The following PHACTR3 variants were observed in gnomAD, a reference collection of about 807,000 sequenced individuals.
The protein encoded by PHACTR3 is phosphatase and actin regulator 3.
A neutral mutation model predicts 66.8 loss-of-function variants in PHACTR3; 16 were observed. The ratio of observed to expected loss-of-function variants is 0.24; its 90% CI spans 0.16 to 0.36. The LOEUF is 0.36. Among genes scored for constraint, PHACTR3 ranks in the 10% least tolerant of loss-of-function variants. PHACTR3 has a pLI of 1.00. For synonymous variants in PHACTR3, 323 were observed against 292.1 expected (o/e 1.11, Z -1.08); for missense variants, 647 against 719.9 (o/e 0.90, Z 1.16).
At chr20:59,611,103 C>A (rs1450417986) in intron 1 of PHACTR3, among the ~76,000 whole-genome samples, 1 of 152,232 alleles carries the variant, frequency 6.6e-6, no homozygotes, top group African/African-American at 2.4e-5. Flanking sequence ...CAAGTCCTGG[C>A]TCAGCCATGG....
chr20:59,694,218 A>G (rs1365275386), intron 1 of PHACTR3, among the ~76,000 whole-genome samples: 1 of 152,146 alleles, frequency 6.6e-6, no homozygotes, highest in Non-Finnish European at 1.5e-5. Context: ...AATTCCTGAA[A>G]TGAGTGTCCT....
At chr20:59,656,235 A>C (rs1194518641) in intron 1 of PHACTR3, among the ~76,000 whole-genome samples, 2 of 151,962 alleles carry the variant, frequency 1.3e-5, no homozygotes, top group African/African-American at 4.8e-5. Flanking sequence ...TTCATGAGTG[A>C]AAGTGGGATA....
In PHACTR3 at chr20:59,604,995, C is replaced by A; in HGVS notation, c.-20C>A. 2 of 1,299,946 alleles carry A rather than the reference C, an allele frequency of 1.5e-6. No individual in the cohort carries two copies. The highest frequency in any genetic ancestry group is 2.4e-5 in the South Asian group (1 of 42,050). The allele number at this position is 1,299,946 out of a possible 1,614,324, so 80.5% of individuals were successfully genotyped here. A position where few individuals can be genotyped will look rare whatever the true frequency, so the allele number is the denominator to read the frequency against. On this transcript the variant is annotated 5_prime_UTR_variant, in exon 1 of 13. Coordinates refer to ENST00000371015, the MANE Select transcript of PHACTR3 (RefSeq NM_080672.5). ...ATTCCACGCGGCTCGCTCTAACTTGCCCCCGCGCCGGCCGGGCCCATGGCC... is the reference window on the plus strand; with the variant it reads ...ATTCCACGCGGCTCGCTCTAACTTGACCCCGCGCCGGCCGGGCCCATGGCC...
chr20:59,589,491 AT>A (rs2033129994), intron 1 of PHACTR3, among the ~76,000 whole-genome samples: 1 of 152,192 alleles, frequency 6.6e-6, no homozygotes, highest in Non-Finnish European at 1.5e-5. Context: ...AGCACTACCT[AT>A]AAGCCTAGTG....
chr20:59,755,161 G>A, intron 3 of PHACTR3, 21 bp from the exon 4 acceptor site: 1 of 1,606,104 alleles, frequency 6.2e-7, no homozygotes, highest in Non-Finnish European at 8.5e-7. Context: ...AGGCCCAGCT[G>A]ACAGCTACAT....
intron 1 of PHACTR3, among the ~76,000 whole-genome samples, chr20:59,595,026 C>T (rs1313752648): frequency 6.6e-6 from 1 of 152,172 alleles, no homozygotes; most frequent in Non-Finnish European, 1.5e-5. Flanking sequence ...AAATTTCACT[C>T]GAGATTTCTT....
chr20:59,723,576 A>T (rs933264420), intron 1 of PHACTR3, among the ~76,000 whole-genome samples: 5 of 152,036 alleles, frequency 3.3e-5, no homozygotes, highest in Non-Finnish European at 5.9e-5. Context: ...TCACGTGCAC[A>T]TTTTTGTGTG....
chr20:59,702,409 C>G (rs1438282205), intron 1 of PHACTR3, among the ~76,000 whole-genome samples: 2 of 152,196 alleles, frequency 1.3e-5, no homozygotes, highest in Non-Finnish European at 2.9e-5. Context: ...GACTCTCACC[C>G]CAAGTCTTCT....
chr20:59,756,449 A>C (rs904999070), intron 4 of PHACTR3, among the ~76,000 whole-genome samples: 6 of 151,862 alleles, frequency 4.0e-5, no homozygotes, highest in Non-Finnish European at 8.8e-5. Flanking sequence ...GGCACCACAC[A>C]CTCGCAGGCC....
intron 1 of PHACTR3, among the ~76,000 whole-genome samples, chr20:59,640,525 C>A (rs1255926424): frequency 6.6e-6 from 1 of 152,132 alleles, no homozygotes; most frequent in African/African-American, 2.4e-5. Flanking sequence ...CTGTAGCAAC[C>A]TAAAGTGCTC....
intron 8 of PHACTR3, among the ~76,000 whole-genome samples, chr20:59,812,820 C>T (rs1209953634): frequency 2.0e-5 from 3 of 152,158 alleles, no homozygotes; most frequent in Admixed American, 6.5e-5. Context: ...TGACGCTGGG[C>T]AGGTGCAGTG....
intron 1 of PHACTR3, among the ~76,000 whole-genome samples, chr20:59,715,473 C>G (rs938800198): frequency 1.3e-5 from 2 of 152,148 alleles, no homozygotes; most frequent in Non-Finnish European, 2.9e-5. Flanking sequence ...TAGATTAAAC[C>G]TAACTTGTTT....
At chr20:59,755,052 T>G in intron 3 of PHACTR3, 130 bp from the exon 4 acceptor site, 1 of 847,662 alleles carries the variant, frequency 1.2e-6, no homozygotes, top group Non-Finnish European at 1.8e-6. Context: ...CTAGGGTGTG[T>G]GGTGAGGGGG....
At chr20:59,795,600 T>C (rs1367091409) in intron 7 of PHACTR3, among the ~76,000 whole-genome samples, 3 of 152,268 alleles carry the variant, frequency 2.0e-5, no homozygotes, top group African/African-American at 7.2e-5. Flanking sequence ...CTGCTATTAT[T>C]GTGTTGCAAT....
At chr20:59,677,634 G>A (rs935432897) in intron 1 of PHACTR3, among the ~76,000 whole-genome samples, 2 of 152,162 alleles carry the variant, frequency 1.3e-5, no homozygotes, top group Non-Finnish European at 2.9e-5. Flanking sequence ...AGGATCCCAA[G>A]GACTTCAGGA....
chr20:59,839,399 G>T (rs1040619664), intron 9 of PHACTR3, among the ~76,000 whole-genome samples: 1 of 152,098 alleles, frequency 6.6e-6, no homozygotes, highest in African/African-American at 2.4e-5. Flanking sequence ...TATTTGAAAC[G>T]CATCTTTTAC....
chr20:59,684,010 G>A (rs934237162), intron 1 of PHACTR3, among the ~76,000 whole-genome samples: 3 of 152,192 alleles, frequency 2.0e-5, no homozygotes. Flanking sequence ...AGGGGCAATG[G>A]CTGTTTATTC....
At chr20:59,627,517 G>A (rs1260193921) in intron 1 of PHACTR3, among the ~76,000 whole-genome samples, 1 of 152,220 alleles carries the variant, frequency 6.6e-6, no homozygotes, top group Non-Finnish European at 1.5e-5. Context: ...GAGATGAGCA[G>A]GATGGGGGTT....
At chr20:59,840,300 G>A in intron 9 of PHACTR3, 69 bp from the exon 10 acceptor site, 3 of 1,566,912 alleles carry the variant, frequency 1.9e-6, no homozygotes, top group Non-Finnish European at 1.7e-6. Flanking sequence ...ACACTTCCCT[G>A]CTGAAGAGAA....
Sources: gnomAD v4.1 joint callset for allele counts (sites outside exome capture counted in the v4.1 genomes callset) on GRCh38, gnomAD v4.1.1 for gene constraint, MANE v1.5 for transcripts, NCBI Gene and HGNC (gene_info 2026-07-23, HGNC 2026-07-21) for gene names.